AGBL4: variants seen among roughly 807,000 people sequenced by gnomAD.
AGBL4 encodes the protein AGBL carboxypeptidase 4.
Under a neutral mutation model 66.4 loss-of-function variants are expected in AGBL4, and 58 were observed. That is an observed-to-expected ratio of 0.87 (90% CI 0.71 to 1.09). The LOEUF (loss-of-function observed/expected upper bound fraction) is 1.09. Ranked by LOEUF, AGBL4 falls within the 50% of genes least tolerant of loss-of-function variation. The probability of loss-of-function intolerance (pLI) is 0.00; values close to 1 mark genes in which losing one functional copy is unlikely to be tolerated. For synonymous variants in AGBL4, 234 were observed against 222.9 expected, an observed-to-expected ratio of 1.05 and a Z score of -0.44; for missense variants, 579 against 631.0, an observed-to-expected ratio of 0.92 and a Z score of 0.88.
At chr1:48,980,129 G>A (rs1439071313) in intron 5 of AGBL4, among the ~76,000 whole-genome samples, 3 of 152,134 alleles carry the variant, frequency 2.0e-5, no homozygotes, top group Middle Eastern at 3.2e-3. Flanking sequence ...CTAAATATAA[G>A]TGCGGCATTG....
chr1:49,995,426 C>T (rs1366844423), intron 1 of AGBL4: 3 of 387,910 alleles, frequency 7.7e-6, no homozygotes, highest in Non-Finnish European at 1.0e-5. Flanking sequence ...CAGCCATAAT[C>T]CCCCTGAGAA....
In AGBL4 at chr1:50,022,614, C is replaced by CCACACACA. The variant is rs10588611; in HGVS notation, c.34+1141_34+1148dup. Among the ~76,000 whole-genome samples, 12 of 141,302 alleles carry CCACACACA rather than the reference C, an allele frequency of 8.5e-5. 1 individual carries two copies. Among genetic ancestry groups the CCACACACA allele is most frequent in the African/African-American group, 3.2e-4 (12 of 37,962 alleles). 92.7% of individuals were successfully genotyped at this position (141,302 alleles called of 152,430 possible). A position where few individuals can be genotyped will look rare whatever the true frequency, so the allele number is the denominator to read the frequency against. On this transcript the variant is annotated intron_variant, in intron 1 of 13. Transcript: ENST00000371839. ...GGGGTGTGGTGTGTATGTACCATAA[C>CCACACACA]CACACACACACACACACACACACAC...
intron 3 of AGBL4, among the ~76,000 whole-genome samples, chr1:49,276,847 C>A (rs1286579390): frequency 6.6e-6 from 1 of 152,136 alleles, no homozygotes; most frequent in East Asian, 1.9e-4. Context: ...GGTAATCATT[C>A]TCTGATTTTT....
chr1:49,697,259 A>C, intron 3 of AGBL4, 54 bp downstream of exon 3: 2 of 1,487,420 alleles, frequency 1.3e-6, no homozygotes, highest in South Asian at 2.6e-5. Context: ...AAAGAAGACA[A>C]AAGCATATTA....
intron 5 of AGBL4, among the ~76,000 whole-genome samples, chr1:48,996,968 C>G (rs1377647580): frequency 6.6e-6 from 1 of 152,084 alleles, no homozygotes; most frequent in Non-Finnish European, 1.5e-5. Context: ...TGTCACACAG[C>G]CTGGAGTGCA....
chr1:48,851,086 C>T (rs147901510), intron 6 of AGBL4, among the ~76,000 whole-genome samples: 50 of 152,278 alleles, frequency 3.3e-4, no homozygotes, highest in African/African-American at 1.1e-3. Flanking sequence ...TAGTGGTTGT[C>T]ATTATTGCGC....
chr1:49,281,338 G>A (rs912906358), intron 3 of AGBL4, among the ~76,000 whole-genome samples: 3 of 152,146 alleles, frequency 2.0e-5, no homozygotes, highest in Admixed American at 6.5e-5. Flanking sequence ...ACAATGACTC[G>A]AGAGAGCAAG....
chr1:49,952,064 G>A (rs113617009), intron 1 of AGBL4, among the ~76,000 whole-genome samples: 1 of 151,646 alleles, frequency 6.6e-6, no homozygotes, highest in African/African-American at 2.4e-5. Flanking sequence ...TGATGAAAAT[G>A]TTCTGGAAAT....
At chr1:49,408,776 T>C (rs1645256648) in intron 3 of AGBL4, among the ~76,000 whole-genome samples, 1 of 152,224 alleles carries the variant, frequency 6.6e-6, no homozygotes, top group Admixed American at 6.5e-5. Flanking sequence ...CACTGTCAGC[T>C]TCCCTAATTT....
intron 2 of AGBL4, among the ~76,000 whole-genome samples, chr1:49,824,345 A>C (rs534752113): frequency 6.6e-6 from 1 of 152,242 alleles, no homozygotes; most frequent in Non-Finnish European, 1.5e-5. Context: ...GGGTTATACA[A>C]GCAACCTCTG....
intron 3 of AGBL4, among the ~76,000 whole-genome samples, chr1:49,595,256 T>A (rs1644830134): frequency 6.6e-6 from 1 of 151,900 alleles, no homozygotes; most frequent in African/African-American, 2.4e-5. Flanking sequence ...ACCCAGCCAA[T>A]TTTTTTGTAT....
intron 3 of AGBL4, among the ~76,000 whole-genome samples, chr1:49,637,161 C>A (rs1645690612): frequency 6.6e-6 from 1 of 152,050 alleles, no homozygotes; most frequent in South Asian, 2.1e-4. Context: ...TTGCAGACAG[C>A]CTATTGTGGG....
At chr1:48,522,654 C>T in the AGBL4 span, among the ~76,000 whole-genome samples, 77 of 152,214 alleles carry the variant, frequency 5.1e-4, no homozygotes, top group Admixed American at 4.8e-3. Context: ...GTCACCAGCT[C>T]GTCTCACCTC....
At chr1:49,033,095 G>T (rs1664358124) in intron 5 of AGBL4, among the ~76,000 whole-genome samples, 1 of 152,012 alleles carries the variant, frequency 6.6e-6, no homozygotes, top group East Asian at 1.9e-4. Context: ...GAATCAGCAG[G>T]GTGAACTGGA....
chr1:49,290,813 C>T (rs868757426), intron 3 of AGBL4, among the ~76,000 whole-genome samples: 2 of 152,254 alleles, frequency 1.3e-5, no homozygotes, highest in South Asian at 4.1e-4. Context: ...GCCTAGGCAA[C>T]ACAGTGAGAC....
intron 6 of AGBL4, among the ~76,000 whole-genome samples, chr1:48,855,158 A>G (rs1647117599): frequency 6.6e-6 from 1 of 152,178 alleles, no homozygotes; most frequent in Non-Finnish European, 1.5e-5. Context: ...GGTCTTAACC[A>G]GTTCTTTCCT....
chr1:49,594,223 T>A (rs1644807929), intron 3 of AGBL4, among the ~76,000 whole-genome samples: 1 of 152,186 alleles, frequency 6.6e-6, no homozygotes, highest in African/African-American at 2.4e-5. Flanking sequence ...GAAAAACTAA[T>A]ATCATTGGTT....
At position 49,699,792 on chromosome 1, in the gene AGBL4, T is replaced by C. The variant is rs147233688; in HGVS notation, c.158-2355A>G. On this transcript the variant is annotated intron_variant, in intron 2 of 13. Coordinates refer to ENST00000371839, the MANE Select transcript of AGBL4 (RefSeq NM_032785.4). ...GTCAAAGAGTAGAAAATCACAGTTA[T>C]GTATGATGACTAAACCTAGAGATCA... Among the ~76,000 whole-genome samples the C allele has an allele frequency of 7.2e-5, 11 of 152,102 alleles. No individual in the cohort carries two copies. In the East Asian group the frequency reaches 1.2e-3, roughly 16 times the overall value.
At chr1:49,652,050 T>C (rs1246162001) in intron 3 of AGBL4, among the ~76,000 whole-genome samples, 2 of 152,036 alleles carry the variant, frequency 1.3e-5, no homozygotes, top group Non-Finnish European at 2.9e-5. Context: ...TTCCAAAATA[T>C]AGTTGAGAGC....
Sources: gnomAD v4.1 joint callset for allele counts (sites outside exome capture counted in the v4.1 genomes callset) on GRCh38, gnomAD v4.1.1 for gene constraint, MANE v1.5 for transcripts, NCBI Gene and HGNC (gene_info 2026-07-23, HGNC 2026-07-21) for gene names.